ATP10B: variants seen among roughly 807,000 people sequenced by gnomAD.
ATP10B encodes ATPase phospholipid transporting 10B (putative), also known as phospholipid-transporting ATPase VB.
A neutral mutation model predicts 141.2 loss-of-function variants in ATP10B; 122 were observed. The observed-to-expected ratio is 0.86, with a 90% confidence interval of 0.75 to 1.00. The LOEUF is 1.00. ATP10B is among the 50% of genes least tolerant of loss of function. The pLI is 0.00. For missense variants in ATP10B, 1,876 were observed against 1,825.3 expected (o/e 1.03, Z -0.51); for synonymous variants, 685 against 692.0 (o/e 0.99, Z 0.16).
the ATP10B span, among the ~76,000 whole-genome samples, chr5:160,864,254 G>T: frequency 2.2e-4 from 34 of 152,068 alleles, no homozygotes; most frequent in East Asian, 6.6e-3. Flanking sequence ...TTTCATACCA[G>T]CCATGCAGGG....
intron 6 of ATP10B, among the ~76,000 whole-genome samples, chr5:160,681,741 G>A (rs946589028): frequency 6.6e-6 from 1 of 152,016 alleles, no homozygotes; most frequent in Non-Finnish European, 1.5e-5. Context: ...AGAACTTTAG[G>A]TTTCAAAAAA....
intron 2 of ATP10B, among the ~76,000 whole-genome samples, chr5:160,768,201 A>G (rs1769620477): frequency 6.6e-6 from 1 of 152,206 alleles, no homozygotes; most frequent in African/African-American, 2.4e-5. Flanking sequence ...CTGTATGTCT[A>G]GAATTTTGCT....
the ATP10B span, among the ~76,000 whole-genome samples, chr5:160,858,368 T>C: frequency 6.6e-6 from 1 of 152,052 alleles, no homozygotes; most frequent in African/African-American, 2.4e-5. Flanking sequence ...GTATTTGAAG[T>C]CAGTTTCTCG....
intron 3 of ATP10B, among the ~76,000 whole-genome samples, chr5:160,716,012 A>G (rs1458850660): frequency 6.6e-6 from 1 of 152,106 alleles, no homozygotes; most frequent in Non-Finnish European, 1.5e-5. Context: ...CCCGGCCAGA[A>G]TTTAGTTTTA....
intron 9 of ATP10B, among the ~76,000 whole-genome samples, chr5:160,641,668 T>C (rs1321962957): frequency 1.3e-5 from 2 of 152,206 alleles, no homozygotes; most frequent in Non-Finnish European, 2.9e-5. Context: ...ACTGAGACTT[T>C]GTCTTTAGAC....
intron 18 of ATP10B, 109 bp downstream of exon 18, chr5:160,612,632 G>T: frequency 1.1e-6 from 1 of 903,074 alleles, no homozygotes; most frequent in Non-Finnish European, 1.7e-6. Context: ...TTGGGGGTTG[G>T]GTGCTTCCCT....
At chr5:160,723,086 C>T (rs1766092693) in intron 2 of ATP10B, among the ~76,000 whole-genome samples, 1 of 152,148 alleles carries the variant, frequency 6.6e-6, no homozygotes, top group African/African-American at 2.4e-5. Flanking sequence ...TGGCAGTGAC[C>T]ACATTTTCTA....
the ATP10B span, among the ~76,000 whole-genome samples, chr5:160,869,978 C>A: frequency 6.6e-6 from 1 of 152,142 alleles, no homozygotes; most frequent in Non-Finnish European, 1.5e-5. Flanking sequence ...ATATACCAGG[C>A]AACTCTGTTC....
rs563807405 is a variant in ATP10B at position 160,700,829 on chromosome 5, C to T, written c.-204-11886G>A. ...CCCCTTGGATGTCTCCTGAGAACGT[C>T]AATCTCAGTTTGCCTCCAAACAGCC... is the stretch of plus-strand genomic sequence containing the variant. On this transcript the variant is annotated intron_variant, in intron 3 of 25. Transcript: ENST00000327245. Among the ~76,000 whole-genome samples, 15 of 152,292 alleles carry T rather than the reference C, an allele frequency of 9.8e-5. No homozygotes were observed. In the East Asian group the frequency reaches 2.3e-3, roughly 24 times the overall value.
At position 160,644,120 on chromosome 5, in the gene ATP10B, A is replaced by T; in HGVS notation, c.868+18T>A. ...GATAAAGGAAAATTCAGACAAAAGA[A>T]ACTACCCAGACAATGACCTGCATAG... is the stretch of plus-strand genomic sequence containing the variant. On this transcript the variant is annotated intron_variant, in intron 9 of 25. Coordinates refer to ENST00000327245, the MANE Select transcript of ATP10B (RefSeq NM_025153.3). The T allele has an allele frequency of 6.2e-7, 1 of 1,606,516 alleles. No homozygotes were observed. The highest frequency in any genetic ancestry group is 8.5e-7 in the Non-Finnish European group (1 of 1,173,198).
At chr5:160,771,369 C>T (rs941729653) in intron 2 of ATP10B, among the ~76,000 whole-genome samples, 1 of 152,126 alleles carries the variant, frequency 6.6e-6, no homozygotes, top group African/African-American at 2.4e-5. Flanking sequence ...TCCATTTCTT[C>T]TAAGTGCTGG....
intron 3 of ATP10B, among the ~76,000 whole-genome samples, chr5:160,699,113 C>T (rs1265088400): frequency 6.6e-6 from 1 of 152,166 alleles, no homozygotes. Flanking sequence ...CATTTTCTTC[C>T]CTTTATTCTA....
intron 15 of ATP10B, 43 bp from the exon 16 acceptor site, chr5:160,618,016 C>T: frequency 6.8e-7 from 1 of 1,467,874 alleles, no homozygotes; most frequent in Non-Finnish European, 9.5e-7. Context: ...CATACAAATG[C>T]TCAGGGATCC....
chr5:160,928,539 T>C, the ATP10B span, among the ~76,000 whole-genome samples: 15 of 152,110 alleles, frequency 9.9e-5, no homozygotes, highest in African/African-American at 3.1e-4. Flanking sequence ...TAAACCCTCA[T>C]TGGCTCAGTT....
the ATP10B span, among the ~76,000 whole-genome samples, chr5:160,913,346 C>T: frequency 6.6e-6 from 1 of 152,156 alleles, no homozygotes; most frequent in East Asian, 1.9e-4. Flanking sequence ...TAGAGAGATT[C>T]TCTTCTGGCT....
intron 8 of ATP10B, among the ~76,000 whole-genome samples, chr5:160,648,926 G>GTTTT (rs367848503): frequency 3.1e-5 from 4 of 131,062 alleles, no homozygotes; most frequent in Non-Finnish European, 3.2e-5. Flanking sequence ...TTTTACTAAG[G>GTTTT]TTTTTTTTTT....
intron 22 of ATP10B, among the ~76,000 whole-genome samples, chr5:160,593,218 A>C (rs1376977892): frequency 6.6e-6 from 1 of 152,170 alleles, no homozygotes; most frequent in Non-Finnish European, 1.5e-5. Context: ...TCTGAGACAA[A>C]ACTTCCAGAG....
intron 1 of ATP10B, among the ~76,000 whole-genome samples, chr5:160,828,302 A>G (rs1774790050): frequency 6.6e-6 from 1 of 152,208 alleles, no homozygotes; most frequent in African/African-American, 2.4e-5. Flanking sequence ...AACTTTTGCA[A>G]CCTACTCATC....
chr5:160,908,999 C>A, the ATP10B span, among the ~76,000 whole-genome samples: 2,551 of 152,200 alleles, frequency 0.017, 77 homozygotes, highest in African/African-American at 0.059. Flanking sequence ...AATCAAATAT[C>A]TACTATGTGC....
Sources: gnomAD v4.1 joint callset for allele counts (sites outside exome capture counted in the v4.1 genomes callset) on GRCh38, gnomAD v4.1.1 for gene constraint, MANE v1.5 for transcripts, NCBI Gene and HGNC (gene_info 2026-07-23, HGNC 2026-07-21) for gene names.